Variants in MALRD1 observed in about 807,000 individuals in gnomAD.
MALRD1 encodes MAM and LDL receptor class A domain containing 1, also known as MAM and LDL-receptor class A domain-containing protein 1.
Under a neutral mutation model 242.1 loss-of-function variants are expected in MALRD1, and 247 were observed. That is an observed-to-expected ratio of 1.02 (90% CI 0.92 to 1.13). The LOEUF is 1.13. Among genes scored for constraint, MALRD1 ranks in the 50% most tolerant of loss-of-function variants. The probability of loss-of-function intolerance (pLI) is 0.00; values close to 1 mark genes in which losing one functional copy is unlikely to be tolerated. For missense variants in MALRD1, 2,989 were observed against 2,533.1 expected (o/e 1.18, Z -3.86); for synonymous variants, 995 against 866.6 (o/e 1.15, Z -2.60).
At chr10:19,320,237 C>A (rs1050638364) in intron 21 of MALRD1, among the ~76,000 whole-genome samples, 11 of 151,824 alleles carry the variant, frequency 7.2e-5, no homozygotes, top group African/African-American at 2.7e-4. Context: ...TACCCCGCGA[C>A]AGGCCCCAGT....
chr10:19,181,219 A>C (rs886574245), intron 14 of MALRD1, among the ~76,000 whole-genome samples: 1 of 152,216 alleles, frequency 6.6e-6, no homozygotes, highest in African/African-American at 2.4e-5. Flanking sequence ...GTATATACCC[A>C]GAAAAAATGA....
intron 5 of MALRD1, among the ~76,000 whole-genome samples, chr10:19,112,415 T>C (rs1050982697): frequency 1.4e-4 from 21 of 152,164 alleles, no homozygotes; most frequent in Admixed American, 2.6e-4. Flanking sequence ...GGGATAGGGC[T>C]TCTTGGATTT....
At chr10:19,357,673 C>T (rs1844697448) in intron 26 of MALRD1, among the ~76,000 whole-genome samples, 1 of 152,030 alleles carries the variant, frequency 6.6e-6, no homozygotes, top group South Asian at 2.1e-4. Flanking sequence ...TTTCTCATTA[C>T]TGCAAAAACA....
chr10:19,450,409 G>A lies in MALRD1; in HGVS notation c.4948G>A (p.Val1650Ile), dbSNP rs780904695. ...ILLGKLRNFE[V>I]IFQGIRTRDL... ...GCTAGGAAAGTTAAGGAATTTTGAA[G>A]TCATATTTCAAGGTATCAGAACAAG... Residue 1650 changes from valine to isoleucine, a missense_variant, in exon 29 of 40, where the codon GTC becomes ATC. Transcript: ENST00000454679. The A allele has an allele frequency of 1.9e-6, 3 of 1,550,526 alleles. No homozygotes were observed. In the South Asian group the frequency reaches 3.6e-5, roughly 18 times the overall value.
At chr10:19,297,689 A>C (rs956018006) in intron 21 of MALRD1, among the ~76,000 whole-genome samples, 4 of 151,964 alleles carry the variant, frequency 2.6e-5, no homozygotes, top group African/African-American at 2.4e-5. Flanking sequence ...GATATGAGAA[A>C]TATTTTATGC....
At chr10:19,711,604 C>CAACCTAG (rs1327588811) in intron 38 of MALRD1, among the ~76,000 whole-genome samples, 1 of 151,696 alleles carries the variant, frequency 6.6e-6, no homozygotes, top group African/African-American at 2.4e-5. Flanking sequence ...TGTATCACTC[C>CAACCTAG]AACCTAGACT....
intron 18 of MALRD1, among the ~76,000 whole-genome samples, chr10:19,215,686 C>T (rs1309410355): frequency 1.3e-5 from 2 of 151,928 alleles, no homozygotes; most frequent in Non-Finnish European, 2.9e-5. Flanking sequence ...TTCTTACTGT[C>T]TCAAACTAGA....
chr10:19,059,995 A>G (rs533516731), intron 1 of MALRD1, among the ~76,000 whole-genome samples: 2 of 152,358 alleles, frequency 1.3e-5, no homozygotes, highest in African/African-American at 2.4e-5. Context: ...GGCAGTCAAT[A>G]TCGGCAAGAA....
chr10:19,088,358 A>T (rs1326077914), intron 4 of MALRD1, among the ~76,000 whole-genome samples, 173 bp downstream of exon 4: 2 of 152,010 alleles, frequency 1.3e-5, no homozygotes, highest in African/African-American at 2.4e-5. Flanking sequence ...ATGGCTAGTC[A>T]CCCTAAAAGA....
Position 19,543,278 on chromosome 10 carries a change from T to C in MALRD1, c.5478+11927T>C, listed in dbSNP as rs1209770576. Reference sequence around the variant, plus strand: ...TTTCGTTTTTGTTTTATTTATCTTTTTTTGAGACAGGGCCTTGTACTGTCA... The same window carrying C: ...TTTCGTTTTTGTTTTATTTATCTTTCTTTGAGACAGGGCCTTGTACTGTCA... On this transcript the variant is annotated intron_variant, in intron 32 of 39. Transcript: ENST00000454679. 2.7e-5 allele frequency among the ~76,000 whole-genome samples: 4 copies of C among 148,902 alleles called. 1 individual carries two copies. The highest frequency in any genetic ancestry group is 5.9e-5 in the Non-Finnish European group (4 of 67,420).
At chr10:19,255,887 C>G (rs1839483410) in intron 18 of MALRD1, among the ~76,000 whole-genome samples, 1 of 151,996 alleles carries the variant, frequency 6.6e-6, no homozygotes, top group African/African-American at 2.4e-5. Context: ...TGTTATGGCC[C>G]TCTCTGGGTT....
At chr10:19,102,060 T>C (rs1390772639) in intron 4 of MALRD1, among the ~76,000 whole-genome samples, 1 of 97,342 alleles carries the variant, frequency 1.0e-5, no homozygotes, top group Non-Finnish European at 2.1e-5. Context: ...TATATTATAA[T>C]ATAATTATAA....
intron 26 of MALRD1, among the ~76,000 whole-genome samples, chr10:19,356,003 G>T (rs1478054113): frequency 1.3e-5 from 2 of 150,734 alleles, no homozygotes; most frequent in African/African-American, 4.9e-5. Flanking sequence ...TAAGCAGAGT[G>T]TAATTCGGTG....
chr10:19,140,543 A>ATGTATGTGTGTGTG (rs1245868727), intron 10 of MALRD1, among the ~76,000 whole-genome samples: 1 of 146,990 alleles, frequency 6.8e-6, no homozygotes, highest in Non-Finnish European at 1.5e-5. Flanking sequence ...GTGTGTGTGT[A>ATGTATGTGTGTGTG]TGTGTGTGTG....
chr10:19,242,653 T>C (rs552783260), intron 18 of MALRD1, among the ~76,000 whole-genome samples: 2 of 152,286 alleles, frequency 1.3e-5, no homozygotes, highest in East Asian at 1.9e-4. Context: ...TGTCCTCTTA[T>C]TGAATTGGGC....
At chr10:19,472,412 G>A (rs1211103903) in intron 29 of MALRD1, among the ~76,000 whole-genome samples, 2 of 151,874 alleles carry the variant, frequency 1.3e-5, no homozygotes, top group Admixed American at 6.6e-5. Flanking sequence ...TGGAGGTCTC[G>A]TAAATGAACT....
At chr10:19,710,958 C>G (rs535290516) in intron 38 of MALRD1, 1 of 152,248 alleles carries the variant, frequency 6.6e-6, no homozygotes, top group South Asian at 2.1e-4. Flanking sequence ...TGAAGAAAGA[C>G]AGTAAAAAGA....
At chr10:19,342,964 T>C (rs529590005) in intron 24 of MALRD1, among the ~76,000 whole-genome samples, 39 of 152,228 alleles carry the variant, frequency 2.6e-4, no homozygotes, top group African/African-American at 9.4e-4. Flanking sequence ...AGATAATCCA[T>C]ATTTTCCAAA....
At chr10:19,137,486 A>G (rs899655536) in intron 10 of MALRD1, among the ~76,000 whole-genome samples, 1 of 151,934 alleles carries the variant, frequency 6.6e-6, no homozygotes, top group Admixed American at 6.6e-5. Flanking sequence ...GGCACCTGTA[A>G]TCACAGCTAC....
Sources: allele counts gnomAD v4.1 joint callset (sites outside exome capture counted in the v4.1 genomes callset), GRCh38; gene constraint gnomAD v4.1.1; transcripts MANE v1.5; gene names NCBI Gene and HGNC (gene_info 2026-07-23, HGNC 2026-07-21).